The following MOSMO variants were observed in gnomAD, a reference collection of about 807,000 sequenced individuals.
MOSMO encodes modulator of smoothened.
In MOSMO, 5 loss-of-function variants were observed where a neutral mutation model predicts 18.4. The observed-to-expected ratio is 0.27, with a 90% CI of 0.14 to 0.57. The LOEUF is 0.57. Among genes scored for constraint, MOSMO ranks in the 20% least tolerant of loss-of-function variants. The pLI, the probability that MOSMO is intolerant of heterozygous loss-of-function variation, is 0.92. For missense variants in MOSMO, 138 were observed against 211.8 expected (o/e 0.65, Z 2.16); for synonymous variants, 82 against 82.3 (o/e 1.00, Z 0.02).
intron 1 of MOSMO, among the ~76,000 whole-genome samples, chr16:22,019,079 A>G (rs527516231): frequency 6.6e-6 from 1 of 152,332 alleles, no homozygotes. Context: ...ATGAAAATAC[A>G]GAGAAGTCAC....
At chr16:22,072,848 T>C (rs1900885665) in intron 1 of MOSMO, among the ~76,000 whole-genome samples, 1 of 151,980 alleles carries the variant, frequency 6.6e-6, no homozygotes, top group Non-Finnish European at 1.5e-5. Flanking sequence ...TTATATACAG[T>C]ATGCCTTCTG....
At chr16:22,087,110 C>G (rs1173021591), downstream of MOSMO, 1 of 152,194 alleles carries the variant, frequency 6.6e-6, no homozygotes, top group Non-Finnish European at 1.5e-5. Flanking sequence ...GGCTGTAACA[C>G]TGTTACTGTA....
rs1900241614 is a variant in MOSMO at position 22,043,147 on chromosome 16, A to T, written c.107-32340A>T. Among the ~76,000 whole-genome samples the T allele has an allele frequency of 4.6e-5, 7 of 152,344 alleles. No individual in the cohort carries two copies. The South Asian group carries it at 1.4e-3, about 32-fold the overall frequency. ...AAAGACATGCAGCATTGGGAATTTA[A>T]CATATGGAAAATTTTTCATCTGTTT... On this transcript the variant is annotated intron_variant, in intron 1 of 2. Coordinates refer to ENST00000542527, the MANE Select transcript of MOSMO (RefSeq NM_001164579.2).
intron 2 of MOSMO, among the ~76,000 whole-genome samples, chr16:22,079,972 C>G (rs1037085949): frequency 2.6e-5 from 4 of 152,006 alleles, no homozygotes; most frequent in African/African-American, 9.7e-5. Context: ...TTAGTAGAGA[C>G]AGGGTTTCAC....
intron 1 of MOSMO, among the ~76,000 whole-genome samples, chr16:22,069,294 T>C (rs772920216): frequency 6.6e-6 from 1 of 152,116 alleles, no homozygotes; most frequent in Non-Finnish European, 1.5e-5. Flanking sequence ...TATAAGGAGA[T>C]ATATGAATTA....
At chr16:22,045,344 T>C (rs1900286932) in intron 1 of MOSMO, among the ~76,000 whole-genome samples, 1 of 152,200 alleles carries the variant, frequency 6.6e-6, no homozygotes, top group Admixed American at 6.5e-5. Flanking sequence ...GATGTGACTT[T>C]ACAGGAGTGG....
chr16:22,053,031 T>G (rs978951364), intron 1 of MOSMO, among the ~76,000 whole-genome samples: 4 of 149,120 alleles, frequency 2.7e-5, no homozygotes, highest in Admixed American at 2.0e-4. Context: ...CTCTGCTCAC[T>G]GTAACCTCCA....
At chr16:22,052,049 A>G (rs562283179) in intron 1 of MOSMO, among the ~76,000 whole-genome samples, 8 of 152,224 alleles carry the variant, frequency 5.3e-5, no homozygotes, top group Admixed American at 1.3e-4. Context: ...AAATGCATAT[A>G]CTCTTTAACC....
intron 1 of MOSMO, among the ~76,000 whole-genome samples, chr16:22,055,769 C>T (rs949379583): frequency 2.8e-4 from 42 of 152,178 alleles, no homozygotes; most frequent in African/African-American, 1.0e-3. Flanking sequence ...CAGCTCAAGT[C>T]CCAAAAATTC....
the MOSMO span, chr16:22,092,611 G>T: frequency 3.2e-5 from 49 of 1,550,114 alleles, no homozygotes; most frequent in African/African-American, 4.1e-5. Flanking sequence ...AGTGCCAGGA[G>T]CCCTTCTCCC....
chr16:22,070,190 A>G (rs1461028306), intron 1 of MOSMO, among the ~76,000 whole-genome samples: 2 of 152,226 alleles, frequency 1.3e-5, no homozygotes, highest in Non-Finnish European at 2.9e-5. Flanking sequence ...GAACAGCCTC[A>G]GCAAAGAACA....
chr16:22,030,436 G>C (rs1186311728), intron 1 of MOSMO, among the ~76,000 whole-genome samples: 1 of 152,182 alleles, frequency 6.6e-6, no homozygotes, highest in Non-Finnish European at 1.5e-5. Flanking sequence ...AACTTCCTTA[G>C]TGTCTGAACA....
At chr16:22,035,523 T>G (rs1900090962) in intron 1 of MOSMO, among the ~76,000 whole-genome samples, 1 of 152,080 alleles carries the variant, frequency 6.6e-6, no homozygotes, top group African/African-American at 2.4e-5. Context: ...ACTCTCAGAT[T>G]TAATCATACT....
chr16:22,062,895 C>G (rs1335989029), intron 1 of MOSMO, among the ~76,000 whole-genome samples: 1 of 152,164 alleles, frequency 6.6e-6, no homozygotes, highest in African/African-American at 2.4e-5. Context: ...CTCTGTCGCC[C>G]AGGCTGGGGT....
At chr16:22,078,171 A>C (rs1901009564) in intron 2 of MOSMO, among the ~76,000 whole-genome samples, 1 of 151,980 alleles carries the variant, frequency 6.6e-6, no homozygotes, top group South Asian at 2.1e-4. Context: ...CTACCAGTGC[A>C]CCTGATTTCT....
At chr16:22,063,886 T>C (rs900210453) in intron 1 of MOSMO, among the ~76,000 whole-genome samples, 2 of 152,248 alleles carry the variant, frequency 1.3e-5, no homozygotes, top group African/African-American at 4.8e-5. Context: ...TTAGGAATAC[T>C]GTTCATTTTC....
At chr16:22,085,429 A>G (rs1359335264), downstream of MOSMO, among the ~76,000 whole-genome samples, 1 of 152,136 alleles carries the variant, frequency 6.6e-6, no homozygotes, top group African/African-American at 2.4e-5. Flanking sequence ...GATTTGTAAC[A>G]CAGATTAGAG....
chr16:22,064,986 T>C (rs1037176917), intron 1 of MOSMO, among the ~76,000 whole-genome samples: 1 of 152,254 alleles, frequency 6.6e-6, no homozygotes, highest in Admixed American at 6.5e-5. Flanking sequence ...CTTCAATAAT[T>C]GGCAGAGTCA....
Position 22,038,906 on chromosome 16 carries a change from A to G in MOSMO, c.106+30499A>G, listed in dbSNP as rs182189685. On this transcript the variant is annotated intron_variant, in intron 1 of 2. Coordinates refer to ENST00000542527, the MANE Select transcript of MOSMO (RefSeq NM_001164579.2). ...TCCAAAACTGACATGGGAGAAAGCA[A>G]TGACATGGGAGAAAGCAATGAATGA... Among the ~76,000 whole-genome samples the G allele has an allele frequency of 2.0e-4, 30 of 152,274 alleles. 1 individual carries two copies. The highest frequency in any genetic ancestry group is 1.0e-3 in the Admixed American group (16 of 15,302).
Sources: allele counts gnomAD v4.1 joint callset (sites outside exome capture counted in the v4.1 genomes callset), GRCh38; gene constraint gnomAD v4.1.1; transcripts MANE v1.5; gene names NCBI Gene and HGNC (gene_info 2026-07-23, HGNC 2026-07-21).